SAMD12: variants seen among roughly 807,000 people sequenced by gnomAD.
SAMD12 encodes the protein sterile alpha motif domain containing 12.
SAMD12 carries 9 observed loss-of-function variants against 15.0 expected under a neutral mutation model. The ratio of observed to expected loss-of-function variants is 0.60; its 90% CI spans 0.36 to 1.05. The LOEUF (loss-of-function observed/expected upper bound fraction) is 1.05, where lower values mean the gene tolerates loss of function less well. SAMD12 is among the 50% of genes least tolerant of loss of function. SAMD12 has a pLI of 0.01. For synonymous variants in SAMD12, 86 were observed against 90.1 expected (o/e 0.96, Z 0.25); for missense variants, 230 against 234.2 (o/e 0.98, Z 0.12).
chr8:118,492,499 G>A (rs1824470768), intron 2 of SAMD12, among the ~76,000 whole-genome samples: 2 of 152,100 alleles, frequency 1.3e-5, no homozygotes, highest in African/African-American at 2.4e-5. Context: ...GGGATGGGGG[G>A]ATTCATTCAT....
intron 2 of SAMD12, among the ~76,000 whole-genome samples, chr8:118,522,238 G>A (rs1231479568): frequency 1.3e-5 from 2 of 151,768 alleles, no homozygotes; most frequent in East Asian, 1.9e-4. Flanking sequence ...GAAATCAAAC[G>A]AGAGCAAGAG....
intron 4 of SAMD12, among the ~76,000 whole-genome samples, chr8:118,255,498 TC>T (rs1198647596): frequency 3.6e-5 from 3 of 82,848 alleles, no homozygotes; most frequent in East Asian, 4.4e-4. Context: ...ATGCTATCCC[TC>T]CCCCCTCCCC....
chr8:118,547,639 G>C (rs542445364), intron 2 of SAMD12, among the ~76,000 whole-genome samples: 1 of 152,144 alleles, frequency 6.6e-6, no homozygotes, highest in East Asian at 1.9e-4. Flanking sequence ...AGTCTTTATG[G>C]GTTTCTTGAA....
At chr8:118,560,792 G>T (rs144372272) in intron 2 of SAMD12, among the ~76,000 whole-genome samples, 6 of 152,084 alleles carry the variant, frequency 3.9e-5, no homozygotes, top group African/African-American at 1.4e-4. Flanking sequence ...CCAAATATCA[G>T]TAATACCAAG....
chr8:118,182,171 G>T, the SAMD12 span, among the ~76,000 whole-genome samples: 1 of 152,150 alleles, frequency 6.6e-6, no homozygotes, highest in Non-Finnish European at 1.5e-5. Context: ...GAGACATTAA[G>T]AAATTTTTCT....
At chr8:118,480,669 T>C (rs1345184429) in intron 2 of SAMD12, among the ~76,000 whole-genome samples, 1 of 152,190 alleles carries the variant, frequency 6.6e-6, no homozygotes, top group Admixed American at 6.5e-5. Flanking sequence ...ACAACCAGAA[T>C]GATTTTAAAA....
intron 2 of SAMD12, among the ~76,000 whole-genome samples, chr8:118,447,505 A>G (rs1362039216): frequency 1.3e-5 from 2 of 151,650 alleles, no homozygotes; most frequent in African/African-American, 2.4e-5. Context: ...GGGTTTCACC[A>G]TGTTGGCCAG....
At chr8:118,457,554 T>C (rs191511820) in intron 2 of SAMD12, among the ~76,000 whole-genome samples, 108 of 152,302 alleles carry the variant, frequency 7.1e-4, no homozygotes, top group Non-Finnish European at 1.4e-3. Context: ...AGAAATATTA[T>C]GTCGGCAGCT....
intron 4 of SAMD12, among the ~76,000 whole-genome samples, chr8:118,310,334 T>C (rs930101055): frequency 3.9e-5 from 6 of 152,232 alleles, no homozygotes; most frequent in African/African-American, 1.4e-4. Flanking sequence ...TTCCAGTCTG[T>C]CTCTAGTGTG....
At chr8:118,579,167 T>C (rs1253438111) in intron 2 of SAMD12, among the ~76,000 whole-genome samples, 1 of 151,996 alleles carries the variant, frequency 6.6e-6, no homozygotes, top group African/African-American at 2.4e-5. Flanking sequence ...TGTTTAAAGT[T>C]GAATTTAAAT....
intron 2 of SAMD12, among the ~76,000 whole-genome samples, chr8:118,553,440 C>A (rs1006016467): frequency 2.0e-5 from 3 of 152,150 alleles, no homozygotes; most frequent in Admixed American, 2.0e-4. Context: ...GAAAGGATTC[C>A]CTATTTAATA....
intron 4 of SAMD12, among the ~76,000 whole-genome samples, chr8:118,271,501 A>C (rs1813354802): frequency 6.6e-6 from 1 of 152,112 alleles, no homozygotes; most frequent in Non-Finnish European, 1.5e-5. Context: ...GAAAATAGAA[A>C]CATATCCTTT....
At chr8:118,377,952 A>G (rs550771409), downstream of SAMD12, 1 of 152,344 alleles carries the variant, frequency 6.6e-6, no homozygotes, top group Admixed American at 6.5e-5. Flanking sequence ...AGATTTGGAA[A>G]ATACAGAAAA....
intron 2 of SAMD12, among the ~76,000 whole-genome samples, chr8:118,450,863 C>T (rs1296373570): frequency 1.3e-5 from 2 of 152,124 alleles, no homozygotes; most frequent in Non-Finnish European, 2.9e-5. Context: ...CATTTGCACT[C>T]TTCTTTTGCT....
chr8:118,490,768 C>G (rs1212277352), intron 2 of SAMD12, among the ~76,000 whole-genome samples: 1 of 151,894 alleles, frequency 6.6e-6, no homozygotes, highest in Non-Finnish European at 1.5e-5. Context: ...CACCAGTTTT[C>G]TCCTAGAGAA....
At chr8:118,212,957 T>C (rs1563697743) in intron 4 of SAMD12, among the ~76,000 whole-genome samples, 3 of 152,202 alleles carry the variant, frequency 2.0e-5, no homozygotes, top group Admixed American at 6.5e-5. Context: ...TCTTGTATCC[T>C]GTAGATACCT....
chr8:118,295,714 A>G (rs566851549), intron 4 of SAMD12: 7 of 150,712 alleles, frequency 4.6e-5, no homozygotes, highest in African/African-American at 1.7e-4. Context: ...CAGTGGTGCA[A>G]TCGTGGCTTA....
intron 2 of SAMD12, among the ~76,000 whole-genome samples, chr8:118,450,135 G>T (rs1482960937): frequency 1.3e-5 from 2 of 152,184 alleles, no homozygotes; most frequent in African/African-American, 4.8e-5. Flanking sequence ...AAATGCCACT[G>T]CTCACAAGCT....
chr8:118,497,273 T>C (rs1348215951), intron 2 of SAMD12, among the ~76,000 whole-genome samples: 1 of 152,184 alleles, frequency 6.6e-6, no homozygotes, highest in African/African-American at 2.4e-5. Context: ...TGCACCTATA[T>C]GTGCATCACA....
Sources: gnomAD v4.1 joint callset for allele counts (sites outside exome capture counted in the v4.1 genomes callset) on GRCh38, gnomAD v4.1.1 for gene constraint, MANE v1.5 for transcripts, NCBI Gene and HGNC (gene_info 2026-07-23, HGNC 2026-07-21) for gene names.